Variants in CLOCK observed in about 807,000 individuals in gnomAD.
CLOCK encodes the protein circadian locomoter output cycles protein kaput.
In CLOCK, 43 loss-of-function variants were observed where a neutral mutation model predicts 118.4. The observed-to-expected ratio is 0.36, with a 90% CI of 0.28 to 0.47. CLOCK has a LOEUF of 0.47. Among genes scored for constraint, CLOCK ranks in the 20% least tolerant of loss-of-function variants. The pLI is 1.00. For synonymous variants in CLOCK, 326 were observed against 339.2 expected, an observed-to-expected ratio of 0.96 and a Z score of 0.43; for missense variants, 846 against 999.9, an observed-to-expected ratio of 0.85 and a Z score of 2.08.
At chr4:55,525,475 T>TA (rs955631339) in intron 1 of CLOCK, among the ~76,000 whole-genome samples, 3 of 151,936 alleles carry the variant, frequency 2.0e-5, no homozygotes, top group African/African-American at 7.3e-5. Context: ...ACCTTGTCTC[T>TA]AAAAAAATAA....
chr4:55,492,229 G>C (rs543731137), intron 2 of CLOCK, among the ~76,000 whole-genome samples: 2 of 152,068 alleles, frequency 1.3e-5, no homozygotes. Flanking sequence ...TTTGAGCAAG[G>C]TTCAACATAT....
intron 14 of CLOCK, chr4:55,453,364 A>C: frequency 2.0e-6 from 1 of 499,310 alleles, no homozygotes; most frequent in South Asian, 3.6e-5. Context: ...ACTTAAATTA[A>C]GAAAAATAAA....
chr4:55,518,242 G>A (rs758265287), intron 1 of CLOCK, among the ~76,000 whole-genome samples: 7 of 152,094 alleles, frequency 4.6e-5, no homozygotes, highest in Non-Finnish European at 8.8e-5. Context: ...CAAAGCAAAC[G>A]TGAAATATGA....
intron 2 of CLOCK, among the ~76,000 whole-genome samples, chr4:55,503,978 T>TAAAAGAAAAAAAAAAAGAAAAAAAAAAAA (rs1553900254): frequency 1.4e-5 from 1 of 71,130 alleles, no homozygotes; most frequent in Non-Finnish European, 2.5e-5. Context: ...CAAAAAGAGG[T>TAAAAGAAAAAAAAAAAGAAAAAAAAAAAA]AAAAAAAAAA....
At chr4:55,504,959 C>A (rs1459600662) in intron 2 of CLOCK, among the ~76,000 whole-genome samples, 1 of 152,018 alleles carries the variant, frequency 6.6e-6, no homozygotes, top group African/African-American at 2.4e-5. Flanking sequence ...CCAAGGAAGG[C>A]GGATCATGAG....
intron 2 of CLOCK, among the ~76,000 whole-genome samples, chr4:55,495,355 C>G (rs907903428): frequency 2.0e-5 from 3 of 152,204 alleles, no homozygotes; most frequent in African/African-American, 7.2e-5. Context: ...TCTCTCCCCT[C>G]TGGGAGTTCT....
chr4:55,489,082 C>T (rs1327108825), intron 3 of CLOCK, among the ~76,000 whole-genome samples: 4 of 152,166 alleles, frequency 2.6e-5, no homozygotes, highest in Non-Finnish European at 5.9e-5. Flanking sequence ...GTACAAACCA[C>T]AAATTTCTCA....
At chr4:55,464,507 C>T (rs778459054) in intron 8 of CLOCK, among the ~76,000 whole-genome samples, 8 of 152,162 alleles carry the variant, frequency 5.3e-5, no homozygotes, top group African/African-American at 1.9e-4. Flanking sequence ...TTTGCCACTA[C>T]GCATTCTACC....
At chr4:55,456,086 G>A (rs1271088360) in intron 12 of CLOCK, 83 bp from the exon 13 acceptor site, 4 of 1,191,742 alleles carry the variant, frequency 3.4e-6, no homozygotes, top group East Asian at 2.6e-5. Flanking sequence ...TTGGGGGGGG[G>A]GCTTTATTTT....
chr4:55,539,842 A>G (rs1365742241), intron 1 of CLOCK, among the ~76,000 whole-genome samples: 1 of 152,088 alleles, frequency 6.6e-6, no homozygotes, highest in Non-Finnish European at 1.5e-5. Flanking sequence ...TTGATGATTC[A>G]CTGTTAACTG....
chr4:55,494,552 T>C (rs1435274714), intron 2 of CLOCK, among the ~76,000 whole-genome samples: 2 of 151,694 alleles, frequency 1.3e-5, no homozygotes, highest in Non-Finnish European at 2.9e-5. Context: ...CAATGGACCA[T>C]GGGGACTCGG....
rs978107717 is a variant in CLOCK, at chr4:55,429,147, C to T, written c.*6268G>A. 1 of 152,050 alleles carries T rather than the reference C, an allele frequency of 6.6e-6. No individual in the cohort carries two copies. The highest frequency in any genetic ancestry group is 1.9e-4 in the East Asian group (1 of 5,198). The allele number at this position is 152,050 out of a possible 1,614,324, so 9.4% of individuals were successfully genotyped here. On this transcript the variant is annotated 3_prime_UTR_variant, in exon 23 of 23. Coordinates refer to ENST00000513440, the MANE Select transcript of CLOCK (RefSeq NM_004898.4). ...ACTAGTCCAAGCCAACTCAAAAACA[C>T]ACATTATAAACATTTGAATGTCATT... is the stretch of plus-strand genomic sequence containing the variant.
rs148899146 is a variant in CLOCK at position 55,441,648 on chromosome 4, T to C, written c.2105+784A>G. Among the ~76,000 whole-genome samples the C allele has an allele frequency of 3.1e-3, 466 of 152,292 alleles. 2 individuals are homozygous for C. Among genetic ancestry groups the C allele is most frequent in the African/African-American group, 0.01 (429 of 41,566 alleles). On this transcript the variant is annotated intron_variant, in intron 21 of 22. Coordinates refer to ENST00000513440, the MANE Select transcript of CLOCK (RefSeq NM_004898.4). ...CTCAGGAATGGAAAACCAAACACCA[T>C]ATATTCTCACTTGTAAGTGGGAGCT...
rs1722473022 is a variant in CLOCK at position 55,431,123 on chromosome 4, A to G, written c.*4292T>C. ...GCAATAAAGTGCTTGTTACATTTCAAAATGATGCTTTTAGACTGTGGTATG... is the reference window on the plus strand; with the variant it reads ...GCAATAAAGTGCTTGTTACATTTCAGAATGATGCTTTTAGACTGTGGTATG... On this transcript the variant is annotated 3_prime_UTR_variant, in exon 23 of 23. Transcript: ENST00000513440. 1 of 152,228 alleles carries G rather than the reference A, an allele frequency of 6.6e-6. No individual in the cohort carries two copies. Among genetic ancestry groups the G allele is most frequent in the Non-Finnish European group, 1.5e-5 (1 of 68,036 alleles). The allele number at this position is 152,228 out of a possible 1,614,324, so 9.4% of individuals were successfully genotyped here.
intron 4 of CLOCK, among the ~76,000 whole-genome samples, chr4:55,479,995 C>T (rs1019523146): frequency 3.3e-5 from 5 of 152,040 alleles, no homozygotes; most frequent in African/African-American, 4.8e-5. Flanking sequence ...CTTTTAGTAA[C>T]GGTAAAAACG....
Position 55,444,606 on chromosome 4 carries a change from T to C in CLOCK, c.1692+27A>G, listed in dbSNP as rs1459742896. The C allele has an allele frequency of 2.5e-6, 4 of 1,613,604 alleles. No homozygotes were observed. In the East Asian group the frequency reaches 8.9e-5, roughly 36 times the overall value. On this transcript the variant is annotated intron_variant, in intron 19 of 22. Coordinates refer to ENST00000513440, the MANE Select transcript of CLOCK (RefSeq NM_004898.4). The stretch of plus-strand genomic sequence containing the variant: ...AAATCCAAAATGTGAATGGGATGCT[T>C]TGTTTGTATTCAAATATAACAATTA...
chr4:55,499,064 A>T (rs577908425), intron 2 of CLOCK, among the ~76,000 whole-genome samples: 34 of 152,274 alleles, frequency 2.2e-4, no homozygotes, highest in African/African-American at 6.5e-4. Context: ...TATTTTTCAG[A>T]GAACTATTTT....
chr4:55,505,403 C>A (rs145955586), intron 2 of CLOCK, among the ~76,000 whole-genome samples: 3,387 of 151,970 alleles, frequency 0.022, 112 homozygotes, highest in African/African-American at 0.077. Context: ...GTGGCTCACA[C>A]CTGTAATCCC....
At chr4:55,454,087 A>G (rs1724712677) in intron 13 of CLOCK, among the ~76,000 whole-genome samples, 1 of 152,220 alleles carries the variant, frequency 6.6e-6, no homozygotes, top group African/African-American at 2.4e-5. Flanking sequence ...TTAAGAATTC[A>G]CACTGCTGAC....
Sources: allele counts gnomAD v4.1 joint callset (sites outside exome capture counted in the v4.1 genomes callset), GRCh38; gene constraint gnomAD v4.1.1; transcripts MANE v1.5; gene names NCBI Gene and HGNC (gene_info 2026-07-23, HGNC 2026-07-21).